The following STIM2 variants were observed in gnomAD, a reference collection of about 807,000 sequenced individuals.
STIM2 encodes the protein stromal interaction molecule 2.
A neutral mutation model predicts 85.8 loss-of-function variants in STIM2; 31 were observed. The observed-to-expected ratio is 0.36, with a 90% CI of 0.27 to 0.49. STIM2 has a LOEUF of 0.49. Among genes scored for constraint, STIM2 ranks in the 20% least tolerant of loss-of-function variants. The pLI is 0.98. For synonymous variants in STIM2, 356 were observed against 331.1 expected (o/e 1.08, Z -0.82); for missense variants, 841 against 927.6 (o/e 0.91, Z 1.21).
chr4:26,955,965 A>C (rs1048979382), intron 2 of STIM2, among the ~76,000 whole-genome samples: 2 of 152,176 alleles, frequency 1.3e-5, no homozygotes, highest in African/African-American at 4.8e-5. Flanking sequence ...ACAATTGTTA[A>C]AATTTTCTTT....
intron 1 of STIM2, among the ~76,000 whole-genome samples, 153 bp from the exon 2 acceptor site, chr4:26,919,351 T>C (rs953264571): frequency 3.9e-5 from 6 of 152,226 alleles, no homozygotes; most frequent in Admixed American, 2.6e-4. Flanking sequence ...ATTATACTTT[T>C]GATGTGAAGA....
chr4:26,997,873 G>A (rs1328673434), intron 4 of STIM2, among the ~76,000 whole-genome samples: 1 of 152,132 alleles, frequency 6.6e-6, no homozygotes, highest in Non-Finnish European at 1.5e-5. Flanking sequence ...GCTCTTTAAG[G>A]TTTTATAGAA....
At chr4:26,961,235 T>C (rs574819027) in intron 3 of STIM2, among the ~76,000 whole-genome samples, 1 of 152,144 alleles carries the variant, frequency 6.6e-6, no homozygotes, top group Admixed American at 6.6e-5. Context: ...AGACAGAGGC[T>C]CTGGCCAAAT....
At chr4:26,869,422 G>A (rs1359997332) in intron 1 of STIM2, among the ~76,000 whole-genome samples, 2 of 152,102 alleles carry the variant, frequency 1.3e-5, no homozygotes, top group Non-Finnish European at 2.9e-5. Context: ...GAATATGTCT[G>A]TGTGTGCATA....
chr4:27,021,552 C>T lies in STIM2; in HGVS notation c.1764-967C>T, dbSNP rs1263530180. ...GGGACCACATGTACACGGCCTGGTA[C>T]GCTTTGACAAGGACTTTGGATCTTA... On this transcript the variant is annotated intron_variant, in intron 11 of 11. Coordinates refer to ENST00000467087, the MANE Select transcript of STIM2 (RefSeq NM_020860.4). The T allele has an allele frequency of 1.3e-5, 6 of 456,658 alleles. No individual in the cohort carries two copies. The East Asian group carries it at 3.5e-4, about 26-fold the overall frequency. 28.3% of individuals were successfully genotyped at this position (456,658 alleles called of 1,614,324 possible).
At chr4:26,942,568 G>A (rs150318588) in intron 2 of STIM2, among the ~76,000 whole-genome samples, 1 of 152,048 alleles carries the variant, frequency 6.6e-6, no homozygotes, top group African/African-American at 2.4e-5. Context: ...TATTCTTATT[G>A]TGCTTATTAG....
At chr4:26,973,863 G>A (rs1727075029) in intron 3 of STIM2, among the ~76,000 whole-genome samples, 1 of 152,182 alleles carries the variant, frequency 6.6e-6, no homozygotes, top group African/African-American at 2.4e-5. Context: ...TTATTATTGT[G>A]TGGGAGTCTA....
intron 7 of STIM2, 152 bp from the exon 8 acceptor site, chr4:27,007,381 C>A (rs1472772434): frequency 1.5e-5 from 6 of 389,612 alleles, no homozygotes; most frequent in Non-Finnish European, 2.6e-5. Flanking sequence ...TGCTAGAAAT[C>A]TACTGTATTT....
At chr4:26,999,542 C>T (rs183149374) in intron 5 of STIM2, among the ~76,000 whole-genome samples, 195 bp downstream of exon 5, 24 of 152,208 alleles carry the variant, frequency 1.6e-4, no homozygotes. Context: ...GTGAAATTTT[C>T]AAAGCTGGTT....
chr4:26,883,600 G>A (rs1225790453), intron 1 of STIM2, among the ~76,000 whole-genome samples: 4 of 151,978 alleles, frequency 2.6e-5, no homozygotes, highest in Non-Finnish European at 5.9e-5. Flanking sequence ...CATTATGGTG[G>A]GCAAAGCAGT....
intron 2 of STIM2, among the ~76,000 whole-genome samples, chr4:26,922,829 G>T (rs1724855503): frequency 6.6e-6 from 1 of 152,104 alleles, no homozygotes; most frequent in African/African-American, 2.4e-5. Context: ...GTGGATGGGG[G>T]CAATAGTGAA....
chr4:26,945,455 G>T (rs1280021074), intron 2 of STIM2, among the ~76,000 whole-genome samples: 2 of 152,054 alleles, frequency 1.3e-5, no homozygotes, highest in African/African-American at 2.4e-5. Flanking sequence ...ATTCCTTTGG[G>T]TGTATACCCA....
chr4:26,949,220 G>A (rs1293899967), intron 2 of STIM2, among the ~76,000 whole-genome samples: 1 of 152,024 alleles, frequency 6.6e-6, no homozygotes, highest in Admixed American at 6.5e-5. Flanking sequence ...TATAGCCAGA[G>A]TTATTCTCTG....
intron 1 of STIM2, among the ~76,000 whole-genome samples, chr4:26,891,570 C>T (rs1316841052): frequency 4.8e-5 from 7 of 146,586 alleles, no homozygotes; most frequent in Non-Finnish European, 1.0e-4. Context: ...CACACACACA[C>T]ACACACACAC....
At chr4:27,011,233 T>C (rs1728543765) in intron 10 of STIM2, among the ~76,000 whole-genome samples, 1 of 152,224 alleles carries the variant, frequency 6.6e-6, no homozygotes, top group African/African-American at 2.4e-5. Flanking sequence ...ATAAATGTTA[T>C]CAAACTAGGT....
At chr4:26,909,537 A>C (rs2109058342) in intron 1 of STIM2, among the ~76,000 whole-genome samples, 1 of 152,324 alleles carries the variant, frequency 6.6e-6, no homozygotes, top group African/African-American at 2.4e-5. Flanking sequence ...AGAGAAGTAA[A>C]ACAACGTATT....
At chr4:26,891,608 G>T (rs1042171261) in intron 1 of STIM2, among the ~76,000 whole-genome samples, 3 of 149,390 alleles carry the variant, frequency 2.0e-5, no homozygotes, top group Admixed American at 2.0e-4. Flanking sequence ...CCCCCTTTTG[G>T]TTATTGGTTC....
chr4:26,966,986 G>T (rs1726748246), intron 3 of STIM2, among the ~76,000 whole-genome samples: 1 of 151,956 alleles, frequency 6.6e-6, no homozygotes, highest in African/African-American at 2.4e-5. Flanking sequence ...CCCTCTCTTT[G>T]CATCGACATT....
intron 2 of STIM2, among the ~76,000 whole-genome samples, chr4:26,927,957 A>T (rs745327956): frequency 1.3e-5 from 2 of 151,026 alleles, no homozygotes; most frequent in Admixed American, 6.6e-5. Context: ...TGGGTAATCT[A>T]TAATGAACAG....
Sources: allele counts gnomAD v4.1 joint callset (sites outside exome capture counted in the v4.1 genomes callset), GRCh38; gene constraint gnomAD v4.1.1; transcripts MANE v1.5; gene names NCBI Gene and HGNC (gene_info 2026-07-23, HGNC 2026-07-21).